SBF2: variants seen among roughly 807,000 people sequenced by gnomAD.
SBF2 encodes the protein SET binding factor 2.
Under a neutral mutation model 225.2 loss-of-function variants are expected in SBF2, and 112 were observed. That is an observed-to-expected ratio of 0.50 (90% confidence interval 0.43 to 0.58). The LOEUF (loss-of-function observed/expected upper bound fraction) is 0.58, where lower values mean the gene tolerates loss of function less well. Among genes scored for constraint, SBF2 ranks in the 20% least tolerant of loss-of-function variants. SBF2 has a pLI of 0.00. For synonymous variants in SBF2, 763 were observed against 773.3 expected (o/e 0.99, Z 0.22); for missense variants, 1,996 against 2,206.2 (o/e 0.90, Z 1.91).
At chr11:9,843,271 G>A (rs879504641) in intron 24 of SBF2, among the ~76,000 whole-genome samples, 2 of 152,198 alleles carry the variant, frequency 1.3e-5, no homozygotes, top group Non-Finnish European at 2.9e-5. Flanking sequence ...TTTCTTAACT[G>A]TTTTAAGTGT....
At chr11:9,933,439 C>T (rs552546449) in intron 16 of SBF2, among the ~76,000 whole-genome samples, 1 of 152,152 alleles carries the variant, frequency 6.6e-6, no homozygotes, top group African/African-American at 2.4e-5. Context: ...TGTAAAAGAA[C>T]AGAAATCACA....
intron 1 of SBF2, among the ~76,000 whole-genome samples, chr11:10,233,439 G>A (rs1958936305): frequency 6.6e-6 from 1 of 151,744 alleles, no homozygotes; most frequent in African/African-American, 2.4e-5. Context: ...CTCCTATTAT[G>A]AATAATCCAT....
At chr11:9,887,694 T>A (rs190932394) in intron 17 of SBF2, among the ~76,000 whole-genome samples, 1 of 152,228 alleles carries the variant, frequency 6.6e-6, no homozygotes, top group Non-Finnish European at 1.5e-5. Flanking sequence ...GCACTGATGC[T>A]TGTCTTCACT....
intron 1 of SBF2, among the ~76,000 whole-genome samples, chr11:10,224,696 T>C (rs4910104): frequency 0.4 from 60,155 of 151,980 alleles, 12,958 homozygotes; most frequent in Non-Finnish European, 0.48. Context: ...ATTCTTCACA[T>C]GTTAGTTTGT....
intron 2 of SBF2, among the ~76,000 whole-genome samples, chr11:10,140,999 A>T (rs548131232): frequency 6.6e-6 from 1 of 152,286 alleles, no homozygotes; most frequent in African/African-American, 2.4e-5. Context: ...ATATGCCCAG[A>T]AAAAAAGAAA....
chr11:10,260,958 A>G (rs1463309221), intron 1 of SBF2, among the ~76,000 whole-genome samples: 1 of 152,132 alleles, frequency 6.6e-6, no homozygotes, highest in African/African-American at 2.4e-5. Flanking sequence ...AAGCACCACT[A>G]CGTAAGTAGT....
intron 2 of SBF2, among the ~76,000 whole-genome samples, chr11:10,157,431 A>T (rs1161816656): frequency 2.6e-5 from 4 of 152,240 alleles, no homozygotes; most frequent in African/African-American, 9.6e-5. Context: ...ATCTAATTAA[A>T]CTAAAGAGCT....
intron 1 of SBF2, among the ~76,000 whole-genome samples, chr11:10,285,301 C>T (rs756767998): frequency 7.0e-6 from 1 of 143,542 alleles, no homozygotes; most frequent in Admixed American, 7.3e-5. Flanking sequence ...CAGAGTGAGA[C>T]GAAAGGAAAG....
chr11:10,218,325 C>T (rs888311591), intron 1 of SBF2, among the ~76,000 whole-genome samples: 3 of 110,506 alleles, frequency 2.7e-5, no homozygotes, highest in African/African-American at 9.7e-5. Context: ...GACCCACCCC[C>T]CCCCCCACCC....
intron 29 of SBF2, among the ~76,000 whole-genome samples, chr11:9,813,136 A>G (rs1854284138): frequency 2.0e-5 from 3 of 152,208 alleles, no homozygotes; most frequent in African/African-American, 7.2e-5. Context: ...CAAGATGTAT[A>G]TGGTAAGGGA....
chr11:10,004,478 G>C (rs1365962707), intron 6 of SBF2, among the ~76,000 whole-genome samples: 2 of 147,658 alleles, frequency 1.4e-5, no homozygotes, highest in Non-Finnish European at 3.0e-5. Context: ...TAAATCTCAG[G>C]ACCCCCAAAC....
intron 28 of SBF2, among the ~76,000 whole-genome samples, chr11:9,823,503 T>TA (rs536960639): frequency 0.026 from 3,148 of 122,452 alleles, 37 homozygotes; most frequent in Admixed American, 0.043. Context: ...GGGGTTAGGG[T>TA]AAAAAAAAAA....
intron 29 of SBF2, among the ~76,000 whole-genome samples, chr11:9,814,561 T>C (rs1435520454): frequency 1.3e-5 from 2 of 152,178 alleles, no homozygotes; most frequent in Non-Finnish European, 2.9e-5. Flanking sequence ...TAATTTTATA[T>C]ACAGAAGATA....
intron 13 of SBF2, among the ~76,000 whole-genome samples, chr11:9,973,687 C>T (rs915595386): frequency 6.6e-6 from 1 of 152,046 alleles, no homozygotes; most frequent in African/African-American, 2.4e-5. Context: ...CCCAGCTACC[C>T]CCAGCTTTGG....
At chr11:10,074,855 G>T (rs1056096186) in intron 2 of SBF2, among the ~76,000 whole-genome samples, 49 of 152,142 alleles carry the variant, frequency 3.2e-4, no homozygotes, top group Non-Finnish European at 1.9e-4. Context: ...AATACAATTT[G>T]CTAAATATAG....
chr11:9,855,075 C>T (rs147369944), intron 19 of SBF2, among the ~76,000 whole-genome samples: 94 of 152,240 alleles, frequency 6.2e-4, no homozygotes, highest in African/African-American at 2.1e-3. Context: ...GGGAAAGCAT[C>T]ATTTCGGGAA....
intron 16 of SBF2, among the ~76,000 whole-genome samples, chr11:9,942,215 G>A (rs1402019947): frequency 6.6e-6 from 1 of 152,148 alleles, no homozygotes; most frequent in Non-Finnish European, 1.5e-5. Flanking sequence ...CTACAGGTGT[G>A]TGCTACCATG....
intron 28 of SBF2, among the ~76,000 whole-genome samples, chr11:9,826,651 T>G (rs183533215): frequency 6.6e-6 from 1 of 151,552 alleles, no homozygotes; most frequent in Non-Finnish European, 1.5e-5. Flanking sequence ...GGGGAAGAAA[T>G]GAGTTTCCCA....
intron 2 of SBF2, among the ~76,000 whole-genome samples, chr11:10,138,637 C>A (rs910659984): frequency 6.6e-6 from 1 of 151,684 alleles, no homozygotes; most frequent in Admixed American, 6.6e-5. Context: ...TTAGCTGAAT[C>A]TCAGAATTTT....
Sources: gnomAD v4.1 joint callset for allele counts (sites outside exome capture counted in the v4.1 genomes callset) on GRCh38, gnomAD v4.1.1 for gene constraint, MANE v1.5 for transcripts, NCBI Gene and HGNC (gene_info 2026-07-23, HGNC 2026-07-21) for gene names.